The following HS6ST3 variants were observed in gnomAD, a reference collection of about 807,000 sequenced individuals.
HS6ST3 encodes the protein heparan sulfate 6-O-sulfotransferase 3.
Under a neutral mutation model 36.7 loss-of-function variants are expected in HS6ST3, and 12 were observed. The observed-to-expected ratio is 0.33, with a 90% CI of 0.21 to 0.53. The LOEUF is 0.53. Among genes scored for constraint, HS6ST3 ranks in the 20% least tolerant of loss-of-function variants. The probability of loss-of-function intolerance (pLI) is 0.95; values close to 1 mark genes in which losing one functional copy is unlikely to be tolerated. For missense variants in HS6ST3, 584 were observed against 640.9 expected, an observed-to-expected ratio of 0.91 and a Z score of 0.96; for synonymous variants, 240 against 257.5, an observed-to-expected ratio of 0.93 and a Z score of 0.65.
intron 1 of HS6ST3, among the ~76,000 whole-genome samples, chr13:96,487,507 G>A (rs763657735): frequency 6.6e-6 from 1 of 152,002 alleles, no homozygotes; most frequent in African/African-American, 2.4e-5. Flanking sequence ...ATTTCCACAG[G>A]GACTAATATT....
intron 1 of HS6ST3, among the ~76,000 whole-genome samples, chr13:96,773,378 G>GGCCCCCTATGGA (rs367813937): frequency 6.6e-6 from 1 of 152,118 alleles, no homozygotes; most frequent in Non-Finnish European, 1.5e-5. Context: ...TAGCTCAGTG[G>GGCCCCCTATGGA]GCCCCCTATG....
chr13:96,684,548 A>G (rs1874716790), intron 1 of HS6ST3, among the ~76,000 whole-genome samples: 1 of 152,000 alleles, frequency 6.6e-6, no homozygotes. Context: ...CATATTGGTA[A>G]GGGGTGAGAA....
intron 1 of HS6ST3, among the ~76,000 whole-genome samples, chr13:96,676,814 C>T (rs1466471158): frequency 1.3e-5 from 2 of 152,128 alleles, no homozygotes; most frequent in Non-Finnish European, 2.9e-5. Flanking sequence ...ATCCATTACT[C>T]TGTCAAAGGA....
chr13:96,570,995 T>C (rs1040746756), intron 1 of HS6ST3, among the ~76,000 whole-genome samples: 2 of 152,138 alleles, frequency 1.3e-5, no homozygotes, highest in African/African-American at 4.8e-5. Context: ...CCAGAAAAGA[T>C]TATTCATAGT....
chr13:96,609,347 A>G (rs1302007148), intron 1 of HS6ST3, among the ~76,000 whole-genome samples: 1 of 152,186 alleles, frequency 6.6e-6, no homozygotes, highest in African/African-American at 2.4e-5. Context: ...AGACAGCACC[A>G]AATTATAAAG....
chr13:96,733,637 A>T (rs2079880388), intron 1 of HS6ST3, among the ~76,000 whole-genome samples: 1 of 152,214 alleles, frequency 6.6e-6, no homozygotes, highest in South Asian at 2.1e-4. Context: ...TTGTAACCCT[A>T]CCTTAATTCC....
At chr13:96,737,301 T>C (rs186384488) in intron 1 of HS6ST3, among the ~76,000 whole-genome samples, 37 of 152,320 alleles carry the variant, frequency 2.4e-4, no homozygotes, top group Admixed American at 1.8e-3. Flanking sequence ...ACATAGAATA[T>C]AGAAAATCTA....
intron 1 of HS6ST3, among the ~76,000 whole-genome samples, chr13:96,614,369 T>G (rs2056467055): frequency 6.8e-6 from 1 of 147,522 alleles, no homozygotes; most frequent in Admixed American, 6.8e-5. Context: ...GAGATATCTC[T>G]TGGGAGAAAT....
At chr13:96,696,581 C>A (rs1426736141) in intron 1 of HS6ST3, among the ~76,000 whole-genome samples, 3 of 152,196 alleles carry the variant, frequency 2.0e-5, no homozygotes, top group Non-Finnish European at 4.4e-5. Flanking sequence ...TCCCCAGGAA[C>A]AGTGTTCAGG....
At chr13:96,486,572 A>C (rs768763029) in intron 1 of HS6ST3, among the ~76,000 whole-genome samples, 4 of 152,154 alleles carry the variant, frequency 2.6e-5, no homozygotes, top group African/African-American at 9.7e-5. Context: ...CTGGTGTGAG[A>C]TGGAATCTCA....
intron 1 of HS6ST3, among the ~76,000 whole-genome samples, chr13:96,334,519 G>T (rs1000217923): frequency 2.6e-5 from 4 of 152,240 alleles, no homozygotes; most frequent in African/African-American, 9.6e-5. Context: ...CCTGAGACTA[G>T]GTAATTTATA....
chr13:96,534,316 G>GAT (rs1412785224), intron 1 of HS6ST3, among the ~76,000 whole-genome samples: 1 of 152,114 alleles, frequency 6.6e-6, no homozygotes, highest in African/African-American at 2.4e-5. Context: ...ATGTAATCCA[G>GAT]ATATATATAC....
chr13:96,622,849 A>G (rs2056499603), intron 1 of HS6ST3, among the ~76,000 whole-genome samples: 1 of 152,152 alleles, frequency 6.6e-6, no homozygotes, highest in Non-Finnish European at 1.5e-5. Context: ...GTTGTTATTT[A>G]GCTGTTTAAT....
intron 1 of HS6ST3, among the ~76,000 whole-genome samples, chr13:96,584,442 C>G (rs1045500336): frequency 6.6e-6 from 1 of 152,176 alleles, no homozygotes; most frequent in Non-Finnish European, 1.5e-5. Context: ...CCACACCTAG[C>G]CTCAACATCT....
chr13:96,643,243 G>A (rs1014868152), intron 1 of HS6ST3, among the ~76,000 whole-genome samples: 1 of 151,878 alleles, frequency 6.6e-6, no homozygotes, highest in Non-Finnish European at 1.5e-5. Flanking sequence ...CTTGGTGTGT[G>A]TACAGGGGAA....
At chr13:96,464,019 G>GTTTTT (rs66703746) in intron 1 of HS6ST3, among the ~76,000 whole-genome samples, 5 of 127,434 alleles carry the variant, frequency 3.9e-5, no homozygotes, top group African/African-American at 1.6e-4. Flanking sequence ...CCATAGACAG[G>GTTTTT]TTTTTTTTTT....
intron 1 of HS6ST3, among the ~76,000 whole-genome samples, chr13:96,376,760 C>T (rs376765572): frequency 1.3e-5 from 2 of 152,086 alleles, no homozygotes; most frequent in African/African-American, 4.8e-5. Flanking sequence ...CTATAGTAAA[C>T]ATTCAGTAAA....
chr13:96,576,943 CAAAAAAAAA>C lies in HS6ST3; in HGVS notation c.708-255525_708-255517del, dbSNP rs1157924077. ...TGGGAAACAGAGTGAGACTCTGTCTCAAAAAAAAAAAAAAAAAAAAAAAAAAAAAAGTTG... is the reference window on the plus strand; with the variant it reads ...TGGGAAACAGAGTGAGACTCTGTCTCAAAAAAAAAAAAAAAAAAAAAGTTG... On this transcript the variant is annotated intron_variant, in intron 1 of 1. Coordinates refer to ENST00000376705, the MANE Select transcript of HS6ST3 (RefSeq NM_153456.4). Among the ~76,000 whole-genome samples the C allele has an allele frequency of 1.5e-3, 41 of 26,846 alleles. 1 individual carries two copies. Among genetic ancestry groups the C allele is most frequent in the South Asian group, 3.6e-3 (2 of 552 alleles). The allele number at this position is 26,846 out of a possible 152,430, so 17.6% of individuals were successfully genotyped here.
At chr13:96,563,504 G>T (rs2056270189) in intron 1 of HS6ST3, among the ~76,000 whole-genome samples, 2 of 152,138 alleles carry the variant, frequency 1.3e-5, no homozygotes, top group Non-Finnish European at 2.9e-5. Flanking sequence ...TCTATCTTTA[G>T]ATATTTACTT....
Sources: gnomAD v4.1 joint callset for allele counts (sites outside exome capture counted in the v4.1 genomes callset) on GRCh38, gnomAD v4.1.1 for gene constraint, MANE v1.5 for transcripts, NCBI Gene and HGNC (gene_info 2026-07-23, HGNC 2026-07-21) for gene names.